The following DPYSL2 variants were observed in gnomAD, a reference collection of about 807,000 sequenced individuals.
The protein encoded by DPYSL2 is dihydropyrimidinase like 2.
A neutral mutation model predicts 69.9 loss-of-function variants in DPYSL2; 13 were observed. That is an observed-to-expected ratio of 0.19 (90% confidence interval 0.12 to 0.30). The LOEUF (loss-of-function observed/expected upper bound fraction) is 0.30. Among genes scored for constraint, DPYSL2 ranks in the 10% least tolerant of loss-of-function variants. The pLI is 1.00. For missense variants in DPYSL2, 587 were observed against 918.9 expected, an observed-to-expected ratio of 0.64 and a Z score of 4.67; for synonymous variants, 326 against 359.1, an observed-to-expected ratio of 0.91 and a Z score of 1.04.
intron 3 of DPYSL2, among the ~76,000 whole-genome samples, chr8:26,612,374 T>G (rs1307146890): frequency 2.6e-5 from 4 of 152,220 alleles, no homozygotes; most frequent in Non-Finnish European, 5.9e-5. Context: ...GAAAGTTATT[T>G]GCATGAATAT....
At position 26,560,671 on chromosome 8, in the gene DPYSL2, C is replaced by T. The variant is rs1801056857; in HGVS notation, c.355-21298C>T. ...CTATGCTTTAATAGAAGCATTAAAA[C>T]AGTAAGCAGCCATCATTTTTGGGCA... On this transcript the variant is annotated intron_variant, in intron 1 of 13. Coordinates refer to ENST00000521913, the MANE Select transcript of DPYSL2 (RefSeq NM_001197293.3). This position sits in a 1 kb window ranked among gnomAD's most constrained non-coding sequence, Gnocchi z 4.4. 6.6e-6 allele frequency among the ~76,000 whole-genome samples: 1 copy of T among 152,180 alleles called. No individual in the cohort carries two copies. Among genetic ancestry groups the T allele is most frequent in the Admixed American group, 6.5e-5 (1 of 15,282 alleles).
Position 26,634,961 on chromosome 8 carries a change from C to T in DPYSL2, c.1126+61C>T, listed in dbSNP as rs1802874915. 1.9e-6 allele frequency: 3 copies of T among 1,602,780 alleles called. No individual in the cohort carries two copies. In the East Asian group the frequency reaches 6.7e-5, roughly 36 times the overall value. On this transcript the variant is annotated intron_variant, in intron 8 of 13. Coordinates refer to ENST00000521913, the MANE Select transcript of DPYSL2 (RefSeq NM_001197293.3). ...GGGAGGTTTGGAGGGGAGGGGGGCT[C>T]CTCACTAGGGAGGGCTCCTTTTCCA... is the stretch of plus-strand genomic sequence containing the variant.
Position 26,610,394 on chromosome 8 carries a change from T to C in DPYSL2, c.629-13749T>C, listed in dbSNP as rs971944767. 6.6e-6 allele frequency among the ~76,000 whole-genome samples: 1 copy of C among 152,238 alleles called. No homozygotes were observed. Among genetic ancestry groups the C allele is most frequent in the Non-Finnish European group, 1.5e-5 (1 of 68,048 alleles). On this transcript the variant is annotated intron_variant, in intron 3 of 13. Coordinates refer to ENST00000521913, the MANE Select transcript of DPYSL2 (RefSeq NM_001197293.3). This position sits in a 1 kb window ranked among gnomAD's most constrained non-coding sequence, Gnocchi z 4.5. Reference sequence around the variant, plus strand: ...CCCTGGGATGTGAAAAGTCTGTTTATGTCTGTTGACAGAGGGTCTCTATGC... The same window carrying C: ...CCCTGGGATGTGAAAAGTCTGTTTACGTCTGTTGACAGAGGGTCTCTATGC...
chr8:26,589,044 T>G (rs775612202), intron 3 of DPYSL2, among the ~76,000 whole-genome samples: 26 of 152,218 alleles, frequency 1.7e-4, no homozygotes, highest in Non-Finnish European at 2.4e-4. Flanking sequence ...GGTGCAGCTT[T>G]CATTGTGCCG....
rs1803255095 is a variant in DPYSL2 at position 26,650,288 on chromosome 8, G to A, written c.1597-1969G>A. Among the ~76,000 whole-genome samples, 1 of 152,170 alleles carries A rather than the reference G, an allele frequency of 6.6e-6. No individual in the cohort carries two copies. Among genetic ancestry groups the A allele is most frequent in the South Asian group, 2.1e-4 (1 of 4,830 alleles). ...GGCATACCTGGGGTGTGAACCCAGGGCAGATGTCTCCATGGCCGAGGCTGC... is the reference window on the plus strand; with the variant it reads ...GGCATACCTGGGGTGTGAACCCAGGACAGATGTCTCCATGGCCGAGGCTGC... On this transcript the variant is annotated intron_variant, in intron 11 of 13. Transcript: ENST00000521913. The surrounding 1 kb of genome is among the most constrained non-coding windows in gnomAD (Gnocchi z 5.3).
At chr8:26,563,695 C>G (rs894651485) in intron 1 of DPYSL2, among the ~76,000 whole-genome samples, 2 of 152,218 alleles carry the variant, frequency 1.3e-5, no homozygotes, top group Admixed American at 1.3e-4. Flanking sequence ...TGACTGCAAT[C>G]TGAAGTTATC....
At chr8:26,573,162 A>G (rs116758555) in intron 1 of DPYSL2, among the ~76,000 whole-genome samples, 2,837 of 152,318 alleles carry the variant, frequency 0.019, 89 homozygotes, top group African/African-American at 0.065. Flanking sequence ...TGTTAATAAT[A>G]ACATTAGGTC....
Position 26,617,014 on chromosome 8 carries a change from T to A in DPYSL2, c.629-7129T>A, listed in dbSNP as rs1394570474. 6.6e-6 allele frequency among the ~76,000 whole-genome samples: 1 copy of A among 152,246 alleles called. No individual in the cohort carries two copies. The highest frequency in any genetic ancestry group is 1.5e-5 in the Non-Finnish European group (1 of 68,042). On this transcript the variant is annotated intron_variant, in intron 3 of 13. Coordinates refer to ENST00000521913, the MANE Select transcript of DPYSL2 (RefSeq NM_001197293.3). This position sits in a 1 kb window ranked among gnomAD's most constrained non-coding sequence, Gnocchi z 4.7. ...TGTGGTACCTGCTCAACTGCTTCAA[T>A]TCCAGAACTGGAACTGCAGGGAAGC...
At chr8:26,531,426 G>A (rs1271085212) in intron 1 of DPYSL2, among the ~76,000 whole-genome samples, 1 of 152,162 alleles carries the variant, frequency 6.6e-6, no homozygotes, top group African/African-American at 2.4e-5. Context: ...GCTGGAGATA[G>A]AGATAGGGTG....
intron 3 of DPYSL2, among the ~76,000 whole-genome samples, chr8:26,602,600 T>G (rs1802017251): frequency 6.6e-6 from 1 of 152,234 alleles, no homozygotes; most frequent in Admixed American, 6.5e-5. Context: ...TGTTGTGGTT[T>G]CTGCTGCTAA....
rs921314015 is a variant in DPYSL2 at position 26,551,689 on chromosome 8, C to T, written c.355-30280C>T. ...TCACCATTCCAGGCCATAAAACACA[C>T]CCTTAACACATTTAAAAGAATAAAA... On this transcript the variant is annotated intron_variant, in intron 1 of 13. Coordinates refer to ENST00000521913, the MANE Select transcript of DPYSL2 (RefSeq NM_001197293.3). Among the ~76,000 whole-genome samples, 5 of 152,272 alleles carry T rather than the reference C, an allele frequency of 3.3e-5. 1 individual carries two copies. In the South Asian group the frequency reaches 1.0e-3, roughly 32 times the overall value.
In DPYSL2 at chr8:26,651,292, G is replaced by A. The variant is rs144426868; in HGVS notation, c.1597-965G>A. On this transcript the variant is annotated intron_variant, in intron 11 of 13. Transcript: ENST00000521913. The stretch of plus-strand genomic sequence containing the variant: ...GCTGGCCGAATCCGTGTTACCAGCC[G>A]CTGCACTAAGCAGAAATGTCATCTT... Among the ~76,000 whole-genome samples the A allele has an allele frequency of 4.4e-4, 67 of 152,318 alleles. No individual in the cohort carries two copies. The East Asian group carries it at 0.01, about 23-fold the overall frequency.
intron 1 of DPYSL2, among the ~76,000 whole-genome samples, chr8:26,552,532 A>G (rs1416445619): frequency 3.3e-5 from 5 of 152,240 alleles, no homozygotes; most frequent in Non-Finnish European, 1.5e-5. Flanking sequence ...TGGGTAATTT[A>G]TAAAGAAAGG....
rs1300055074 is a variant in DPYSL2, at chr8:26,587,602, C to T, written c.628+3619C>T. The stretch of plus-strand genomic sequence containing the variant: ...TCAGCAGCAGAAGATAATATTATTG[C>T]CATTAAACAGAGCCTGCTATTGAGA... On this transcript the variant is annotated intron_variant, in intron 3 of 13. Coordinates refer to ENST00000521913, the MANE Select transcript of DPYSL2 (RefSeq NM_001197293.3). The surrounding 1 kb of genome is among the most constrained non-coding windows in gnomAD (Gnocchi z 4.2). 1.3e-5 allele frequency among the ~76,000 whole-genome samples: 2 copies of T among 152,212 alleles called. No individual in the cohort carries two copies. Among genetic ancestry groups the T allele is most frequent in the African/African-American group, 4.8e-5 (2 of 41,446 alleles).
At position 26,652,970 on chromosome 8, in the gene DPYSL2, C is replaced by G. The variant is rs1034834084; in HGVS notation, c.1777-262C>G. On this transcript the variant is annotated intron_variant, in intron 12 of 13. Transcript: ENST00000521913. The surrounding 1 kb of genome is among the most constrained non-coding windows in gnomAD (Gnocchi z 6.3). ...CGCCTCACAGCATGCTTAGGGGATT[C>G]TTACAGGGTTTAAAGTTGAAGTGTC... 6.6e-6 allele frequency among the ~76,000 whole-genome samples: 1 copy of G among 152,152 alleles called. No individual in the cohort carries two copies. The highest frequency in any genetic ancestry group is 1.5e-5 in the Non-Finnish European group (1 of 68,026).
chr8:26,620,541 T>G lies in DPYSL2; in HGVS notation c.629-3602T>G, dbSNP rs932602175. On this transcript the variant is annotated intron_variant, in intron 3 of 13. Transcript: ENST00000521913. The surrounding 1 kb of genome is among the most constrained non-coding windows in gnomAD (Gnocchi z 4.5). ...AAATGTATCAAAAAGCTGCTCTATT[T>G]AGTACTGATTGAGATGAATGGAGCA... Among the ~76,000 whole-genome samples the G allele has an allele frequency of 2.6e-5, 4 of 152,188 alleles. No individual in the cohort carries two copies. Among genetic ancestry groups the G allele is most frequent in the African/African-American group, 4.8e-5 (2 of 41,444 alleles).
Position 26,571,589 on chromosome 8 carries a change from G to A in DPYSL2, c.355-10380G>A, listed in dbSNP as rs536230557. On this transcript the variant is annotated intron_variant, in intron 1 of 13. Coordinates refer to ENST00000521913, the MANE Select transcript of DPYSL2 (RefSeq NM_001197293.3). The surrounding 1 kb of genome is among the most constrained non-coding windows in gnomAD (Gnocchi z 6.1). ...CTGGGGATAAGAGAAAGCCCGAGTC[G>A]ACTAGATTCTGTGAAGTGCATGCTT... Among the ~76,000 whole-genome samples the A allele has an allele frequency of 1.7e-4, 26 of 152,284 alleles. No homozygotes were observed. In the South Asian group the frequency reaches 5.4e-3, roughly 32 times the overall value.
rs932562190 is a variant in DPYSL2, at chr8:26,571,467, T to A, written c.355-10502T>A. Among the ~76,000 whole-genome samples the A allele has an allele frequency of 6.6e-6, 1 of 152,104 alleles. No individual in the cohort carries two copies. Among genetic ancestry groups the A allele is most frequent in the African/African-American group, 2.4e-5 (1 of 41,410 alleles). On this transcript the variant is annotated intron_variant, in intron 1 of 13. Coordinates refer to ENST00000521913, the MANE Select transcript of DPYSL2 (RefSeq NM_001197293.3). This position sits in a 1 kb window ranked among gnomAD's most constrained non-coding sequence, Gnocchi z 6.1. ...CTGAGCTAGGTGCCCTTTGTCCCCA[T>A]CAGGGATAGAAAGACCCCAGGGAAC... is the stretch of plus-strand genomic sequence containing the variant.
rs1231307290 is a variant in DPYSL2, at chr8:26,617,967, G to C, written c.629-6176G>C. Among the ~76,000 whole-genome samples the C allele has an allele frequency of 6.6e-6, 1 of 152,112 alleles. No individual in the cohort carries two copies. Among genetic ancestry groups the C allele is most frequent in the Admixed American group, 6.5e-5 (1 of 15,276 alleles). ...CTGTGAGTGAACTAAAAGCCACCGG[G>C]TTATACCCTTTAAATGAGTGATTGC... On this transcript the variant is annotated intron_variant, in intron 3 of 13. Transcript: ENST00000521913. The surrounding 1 kb of genome is among the most constrained non-coding windows in gnomAD (Gnocchi z 4.7).
Sources: allele counts gnomAD v4.1 joint callset (sites outside exome capture counted in the v4.1 genomes callset), GRCh38; gene constraint gnomAD v4.1.1; non-coding constraint Gnocchi (gnomAD v3.1); transcripts MANE v1.5; gene names NCBI Gene and HGNC (gene_info 2026-07-23, HGNC 2026-07-21).